PRKCZ: variants seen among roughly 807,000 people sequenced by gnomAD.
PRKCZ encodes protein kinase C zeta.
A neutral mutation model predicts 79.5 loss-of-function variants in PRKCZ; 33 were observed. The ratio of observed to expected loss-of-function variants is 0.41; its 90% confidence interval spans 0.31 to 0.55. The LOEUF is 0.55. Ranked by LOEUF, PRKCZ falls within the 20% of genes least tolerant of loss-of-function variation. The pLI is 0.19. For missense variants in PRKCZ, 578 were observed against 813.5 expected (o/e 0.71, Z 3.52); for synonymous variants, 342 against 320.9 (o/e 1.07, Z -0.70).
chr1:2,129,708 T>C (rs981658851), intron 4 of PRKCZ, among the ~76,000 whole-genome samples: 3 of 151,942 alleles, frequency 2.0e-5, no homozygotes, highest in African/African-American at 7.3e-5. Flanking sequence ...AAAAAGACAG[T>C]TGAGGGCGGC....
chr1:2,077,191 C>T (rs1172118054), intron 4 of PRKCZ, among the ~76,000 whole-genome samples: 2 of 152,220 alleles, frequency 1.3e-5, no homozygotes, highest in African/African-American at 4.8e-5. Context: ...GTATCGGGCA[C>T]ACAGGAGAGT....
chr1:2,174,899 G>GC lies in PRKCZ; in HGVS notation c.1485+67dup. The GC allele has an allele frequency of 6.5e-7, 1 of 1,529,198 alleles. No individual in the cohort carries two copies. Among genetic ancestry groups the GC allele is most frequent in the Non-Finnish European group, 9.0e-7 (1 of 1,105,726 alleles). 94.7% of individuals were successfully genotyped at this position (1,529,198 alleles called of 1,614,324 possible). ...TCGGTGTTGGTGGGCAGAGGGCCAG[G>GC]CACGGCTGTTGGCCATTTTTTCATG... On this transcript the variant is annotated intron_variant, in intron 15 of 17. Transcript: ENST00000378567. The surrounding 1 kb of genome is among the most constrained non-coding windows in gnomAD (Gnocchi z 6.2).
At chr1:2,144,652 G>A (rs1274944596) in intron 6 of PRKCZ, 19 of 1,174,832 alleles carry the variant, frequency 1.6e-5, no homozygotes, top group Non-Finnish European at 2.0e-5. Flanking sequence ...TCTTGAACCA[G>A]CTCTTAAGGA....
intron 4 of PRKCZ, among the ~76,000 whole-genome samples, chr1:2,072,369 T>C (rs1270031078): frequency 6.6e-6 from 1 of 152,242 alleles, no homozygotes; most frequent in Non-Finnish European, 1.5e-5. Context: ...CAGGAGATGA[T>C]GCCGTTGAGA....
At chr1:2,098,828 C>G (rs931278200) in intron 4 of PRKCZ, among the ~76,000 whole-genome samples, 2 of 151,982 alleles carry the variant, frequency 1.3e-5, no homozygotes. Context: ...ACTACAGGCG[C>G]CCACCACCAC....
intron 4 of PRKCZ, among the ~76,000 whole-genome samples, chr1:2,084,503 G>GCGGC (rs1664133206): frequency 6.6e-6 from 1 of 152,174 alleles, no homozygotes; most frequent in African/African-American, 2.4e-5. Flanking sequence ...GAACACATGC[G>GCGGC]CGGCCGGCCG....
chr1:2,119,908 TC>T (rs1206089059), intron 4 of PRKCZ, among the ~76,000 whole-genome samples: 1 of 151,862 alleles, frequency 6.6e-6, no homozygotes, highest in African/African-American at 2.4e-5. Flanking sequence ...TGGCTCAGCC[TC>T]CTGAGGAGCT....
intron 6 of PRKCZ, 180 bp downstream of exon 6, chr1:2,144,521 GAGCCCCCACA>G: frequency 7.0e-7 from 1 of 1,424,530 alleles, no homozygotes; most frequent in Non-Finnish European, 9.2e-7. Context: ...CCATCTTCCT[GAGCCCCCACA>G]AGCCCCCGGC....
rs1024069808 is a variant in PRKCZ, at chr1:2,144,136, G to T, written c.421-74G>T. On this transcript the variant is annotated intron_variant, in intron 5 of 17. Coordinates refer to ENST00000378567, the MANE Select transcript of PRKCZ (RefSeq NM_002744.6). Reference sequence around the variant, plus strand: ...TGTCCTCTTTTGAGAAGGTATAGGTGTGGAAGGCCCTGCCTGTCCTCTCCG... The same window carrying T: ...TGTCCTCTTTTGAGAAGGTATAGGTTTGGAAGGCCCTGCCTGTCCTCTCCG... 64 of 1,522,338 alleles carry T rather than the reference G, an allele frequency of 4.2e-5. No homozygotes were observed. The African/African-American group carries it at 8.1e-4, about 19-fold the overall frequency. 94.3% of individuals were successfully genotyped at this position (1,522,338 alleles called of 1,614,324 possible). A position where few individuals can be genotyped will look rare whatever the true frequency, so the allele number is the denominator to read the frequency against.
rs572893895 is a variant in PRKCZ at position 2,059,403 on chromosome 1, C to T, written c.284-138C>T. ...CACGGGGTTTTGCGTCTCCCAGGAG[C>T]GGGCTCTCATTGGCAGTGCCACGTG... On this transcript the variant is annotated intron_variant, in intron 3 of 17. Coordinates refer to ENST00000378567, the MANE Select transcript of PRKCZ (RefSeq NM_002744.6). The T allele has an allele frequency of 4.9e-5, 48 of 985,472 alleles. 1 individual carries two copies. The highest frequency in any genetic ancestry group is 2.7e-4 in the South Asian group (19 of 71,128). 61.0% of individuals were successfully genotyped at this position (985,472 alleles called of 1,614,324 possible). A position where few individuals can be genotyped will look rare whatever the true frequency, so the allele number is the denominator to read the frequency against.
chr1:2,136,135 C>T (rs917550371), intron 5 of PRKCZ, among the ~76,000 whole-genome samples: 1 of 152,200 alleles, frequency 6.6e-6, no homozygotes, highest in African/African-American at 2.4e-5. Flanking sequence ...TCAACCTCCG[C>T]TGGGTGTACG....
chr1:2,154,092 C>A (rs1251872818), intron 9 of PRKCZ, among the ~76,000 whole-genome samples: 1 of 152,166 alleles, frequency 6.6e-6, no homozygotes, highest in Non-Finnish European at 1.5e-5. Flanking sequence ...CCCTGCGGGG[C>A]CACAGTGGGT....
chr1:2,161,430 A>C (rs115982850), intron 10 of PRKCZ, among the ~76,000 whole-genome samples: 1 of 152,208 alleles, frequency 6.6e-6, no homozygotes, highest in Admixed American at 6.5e-5. Context: ...CACTGCGGAC[A>C]GCTGCGCATG....
intron 4 of PRKCZ, among the ~76,000 whole-genome samples, chr1:2,112,320 A>T (rs867769157): frequency 2.2e-4 from 34 of 152,312 alleles, no homozygotes; most frequent in African/African-American, 7.2e-4. Context: ...AGAGGCCTCA[A>T]ACGGCACAGT....
intron 10 of PRKCZ, chr1:2,169,289 G>A (rs559938956): frequency 3.7e-5 from 21 of 571,064 alleles, no homozygotes; most frequent in African/African-American, 1.3e-4. Flanking sequence ...AGTGAAGGCC[G>A]GCGAGGCCCC....
chr1:2,073,817 G>A, intron 4 of PRKCZ: 1 of 1,036,858 alleles, frequency 9.6e-7, no homozygotes, highest in Non-Finnish European at 1.2e-6. Context: ...GTCGGGGCCG[G>A]AGGCGAGCCG....
intron 4 of PRKCZ, among the ~76,000 whole-genome samples, chr1:2,120,011 G>A (rs865941885): frequency 1.3e-5 from 2 of 152,120 alleles, no homozygotes; most frequent in African/African-American, 4.8e-5. Flanking sequence ...TCTCCACTCT[G>A]TGTGGAGTTC....
In PRKCZ at chr1:2,094,949, C is replaced by T. The variant is rs1170570358; in HGVS notation, c.334+35358C>T. Reference sequence around the variant, plus strand: ...TCCCTGCTCCATGCCAGTTCTCTCCCTGCCCCCGCCGGCATGACACGGACA... The same window carrying T: ...TCCCTGCTCCATGCCAGTTCTCTCCTTGCCCCCGCCGGCATGACACGGACA... On this transcript the variant is annotated intron_variant, in intron 4 of 17. Transcript: ENST00000378567. The surrounding 1 kb of genome is among the most constrained non-coding windows in gnomAD (Gnocchi z 7.3). 6.6e-6 allele frequency among the ~76,000 whole-genome samples: 1 copy of T among 152,172 alleles called. No individual in the cohort carries two copies. Among genetic ancestry groups the T allele is most frequent in the Non-Finnish European group, 1.5e-5 (1 of 68,042 alleles).
At chr1:2,132,918 C>T (rs1320362866) in intron 4 of PRKCZ, among the ~76,000 whole-genome samples, 2 of 152,138 alleles carry the variant, frequency 1.3e-5, no homozygotes, top group East Asian at 1.9e-4. Flanking sequence ...GTTCTGGAGG[C>T]GTGGGGACCC....
Sources: gnomAD v4.1 joint callset for allele counts (sites outside exome capture counted in the v4.1 genomes callset) on GRCh38, gnomAD v4.1.1 for gene constraint, Gnocchi (gnomAD v3.1) non-coding constraint, MANE v1.5 for transcripts, NCBI Gene and HGNC (gene_info 2026-07-23, HGNC 2026-07-21) for gene names.